The following NWD2 variants were observed in gnomAD, a reference collection of about 807,000 sequenced individuals.
NWD2 encodes NACHT and WD repeat domain-containing protein 2.
NWD2 carries 37 observed loss-of-function variants against 132.7 expected under a neutral mutation model. That is an observed-to-expected ratio of 0.28 (90% CI 0.21 to 0.37). The LOEUF (loss-of-function observed/expected upper bound fraction) is 0.37. Among genes scored for constraint, NWD2 ranks in the 10% least tolerant of loss-of-function variants. The pLI is 1.00. For synonymous variants in NWD2, 705 were observed against 803.0 expected, an observed-to-expected ratio of 0.88 and a Z score of 2.06; for missense variants, 1,592 against 2,122.4, an observed-to-expected ratio of 0.75 and a Z score of 4.91.
In NWD2 at chr4:37,439,413, G is replaced by T; in HGVS notation, c.1296+23G>T. On this transcript the variant is annotated intron_variant, in intron 6 of 6. Transcript: ENST00000309447. This position sits in a 1 kb window ranked among gnomAD's most constrained non-coding sequence, Gnocchi z 4.5. ...AAGGTAAAAGCCTATTCTTTCCCGTGTATATTTGTAAAAACTTGTACTTTT... is the reference window on the plus strand; with the variant it reads ...AAGGTAAAAGCCTATTCTTTCCCGTTTATATTTGTAAAAACTTGTACTTTT... 1 of 1,368,792 alleles carries T rather than the reference G, an allele frequency of 7.3e-7. No individual in the cohort carries two copies. Among genetic ancestry groups the T allele is most frequent in the Non-Finnish European group, 9.6e-7 (1 of 1,037,354 alleles). 84.8% of individuals were successfully genotyped at this position (1,368,792 alleles called of 1,614,324 possible). A position where few individuals can be genotyped will look rare whatever the true frequency, so the allele number is the denominator to read the frequency against.
intron 1 of NWD2, among the ~76,000 whole-genome samples, chr4:37,274,360 AC>A (rs1187897635): frequency 6.6e-6 from 1 of 152,088 alleles, no homozygotes. Context: ...CGACACATAC[AC>A]CCTCCCAAGA....
Position 37,426,275 on chromosome 4 carries a change from T to C in NWD2, c.358-4297T>C, listed in dbSNP as rs78343572. ...CTCCTAAAAATTAACTGATTCATGATTTATGAGCATTCCACCTAAAGGAAG... is the reference window on the plus strand; with the variant it reads ...CTCCTAAAAATTAACTGATTCATGACTTATGAGCATTCCACCTAAAGGAAG... On this transcript the variant is annotated intron_variant, in intron 3 of 6. Coordinates refer to ENST00000309447, the MANE Select transcript of NWD2 (RefSeq NM_001144990.2). Among the ~76,000 whole-genome samples the C allele has an allele frequency of 2.7e-4, 41 of 152,302 alleles. No individual in the cohort carries two copies. In the East Asian group the frequency reaches 7.7e-3, roughly 29 times the overall value.
At chr4:37,402,438 T>C (rs544244955) in intron 3 of NWD2, among the ~76,000 whole-genome samples, 1 of 152,310 alleles carries the variant, frequency 6.6e-6, no homozygotes, top group African/African-American at 2.4e-5. Context: ...TTATGAAAAT[T>C]AGATGTTGAA....
At chr4:37,407,789 C>G (rs895737829) in intron 3 of NWD2, among the ~76,000 whole-genome samples, 1 of 152,156 alleles carries the variant, frequency 6.6e-6, no homozygotes, top group Admixed American at 6.5e-5. Flanking sequence ...CCAGTGAGAT[C>G]GACAGAGAAG....
chr4:37,438,194 G>A (rs1488492812), intron 5 of NWD2, among the ~76,000 whole-genome samples: 1 of 151,850 alleles, frequency 6.6e-6, no homozygotes, highest in African/African-American at 2.4e-5. Flanking sequence ...CCAGGAGGCG[G>A]AGCTTGCAGT....
At chr4:37,350,817 G>C (rs752805438) in intron 2 of NWD2, among the ~76,000 whole-genome samples, 3 of 152,026 alleles carry the variant, frequency 2.0e-5, no homozygotes, top group Non-Finnish European at 2.9e-5. Context: ...ATTGAATGTG[G>C]GTTTGTCATA....
chr4:37,410,641 C>T (rs762318421), intron 3 of NWD2, among the ~76,000 whole-genome samples: 4 of 152,048 alleles, frequency 2.6e-5, no homozygotes, highest in South Asian at 2.1e-4. Context: ...CTGGACCAAG[C>T]GGAACTAATA....
chr4:37,348,468 A>G (rs1157052355), intron 2 of NWD2, among the ~76,000 whole-genome samples: 1 of 151,420 alleles, frequency 6.6e-6, no homozygotes, highest in East Asian at 1.9e-4. Flanking sequence ...ACCCTTGGGG[A>G]CTGACCTTGA....
intron 2 of NWD2, among the ~76,000 whole-genome samples, chr4:37,327,192 G>A (rs1490800088): frequency 6.6e-5 from 10 of 152,146 alleles, no homozygotes; most frequent in Non-Finnish European, 1.5e-4. Context: ...CATAGAGGAA[G>A]AAATGTGTCC....
rs143313429 is a variant in NWD2, at chr4:37,328,263, C to T, written c.240+2239C>T. 4.6e-3 allele frequency among the ~76,000 whole-genome samples: 693 copies of T among 151,146 alleles called. 21 individuals are homozygous for T. Among genetic ancestry groups the T allele is most frequent in the Admixed American group, 0.037 (562 of 15,220 alleles). ...GCTTTTCTTTTTATTATTATTATTA[C>T]ACTTTAAGTTCTGGTATACGTGTGC... On this transcript the variant is annotated intron_variant, in intron 2 of 6. Transcript: ENST00000309447.
rs539155563 is a variant in NWD2, at chr4:37,406,259, A to C, written c.358-24313A>C. Among the ~76,000 whole-genome samples the C allele has an allele frequency of 3.3e-5, 5 of 152,328 alleles. No homozygotes were observed. In the South Asian group the frequency reaches 1.0e-3, roughly 32 times the overall value. Reference sequence around the variant, plus strand: ...AGAATGGATCTAGACAGCCAGTGAAACAGACCGACACATCCCAAGCATTGG... The same window carrying C: ...AGAATGGATCTAGACAGCCAGTGAACCAGACCGACACATCCCAAGCATTGG... On this transcript the variant is annotated intron_variant, in intron 3 of 6. Transcript: ENST00000309447.
intron 1 of NWD2, among the ~76,000 whole-genome samples, chr4:37,304,709 G>A (rs1032663890): frequency 3.3e-5 from 5 of 152,192 alleles, no homozygotes; most frequent in African/African-American, 1.2e-4. Context: ...CCACACCGAT[G>A]CAAGGGGTGG....
chr4:37,415,026 T>C (rs1041343904), intron 3 of NWD2, among the ~76,000 whole-genome samples: 3 of 152,218 alleles, frequency 2.0e-5, no homozygotes, highest in African/African-American at 7.2e-5. Context: ...AAAGTTAAAC[T>C]ACATTCAATG....
intron 1 of NWD2, among the ~76,000 whole-genome samples, chr4:37,323,499 C>T (rs950189177): frequency 6.6e-6 from 1 of 152,166 alleles, no homozygotes; most frequent in Non-Finnish European, 1.5e-5. Flanking sequence ...GATACATTCT[C>T]ATACCAGTCA....
chr4:37,261,242 T>C (rs906996135), intron 1 of NWD2, among the ~76,000 whole-genome samples: 2 of 152,156 alleles, frequency 1.3e-5, no homozygotes, highest in African/African-American at 4.8e-5. Flanking sequence ...CCAGCTGGCG[T>C]GCATTAAACA....
chr4:37,449,346 A>G lies in NWD2; in HGVS notation c.*2129A>G, dbSNP rs1712726656. On this transcript the variant is annotated 3_prime_UTR_variant, in exon 7 of 7. Transcript: ENST00000309447. ...CAATCAGAGATTTATATTTTCATAA[A>G]TGTTACATTTAGTTAAATTTTGTTA... 1 of 152,214 alleles carries G rather than the reference A, an allele frequency of 6.6e-6. No homozygotes were observed. Among genetic ancestry groups the G allele is most frequent in the Non-Finnish European group, 1.5e-5 (1 of 68,022 alleles). The allele number at this position is 152,214 out of a possible 1,614,324, so 9.4% of individuals were successfully genotyped here. A position where few individuals can be genotyped will look rare whatever the true frequency, so the allele number is the denominator to read the frequency against.
chr4:37,333,383 G>C (rs1014086842), intron 2 of NWD2, among the ~76,000 whole-genome samples: 1 of 152,172 alleles, frequency 6.6e-6, no homozygotes, highest in African/African-American at 2.4e-5. Context: ...AGGAAGCTCA[G>C]CACAGAGAGA....
At chr4:37,346,817 T>C (rs1719646795) in intron 2 of NWD2, among the ~76,000 whole-genome samples, 1 of 152,158 alleles carries the variant, frequency 6.6e-6, no homozygotes, top group African/African-American at 2.4e-5. Context: ...GAATTGTTTC[T>C]TTCTGATGCT....
intron 3 of NWD2, among the ~76,000 whole-genome samples, chr4:37,381,233 G>A (rs761553613): frequency 1.6e-4 from 25 of 152,212 alleles, no homozygotes; most frequent in Non-Finnish European, 2.8e-4. Flanking sequence ...AGAGAGGGCC[G>A]AGTCACTCAT....
Sources: gnomAD v4.1 joint callset for allele counts (sites outside exome capture counted in the v4.1 genomes callset) on GRCh38, gnomAD v4.1.1 for gene constraint, Gnocchi (gnomAD v3.1) non-coding constraint, MANE v1.5 for transcripts, NCBI Gene and HGNC (gene_info 2026-07-23, HGNC 2026-07-21) for gene names.